Variants in PIEZO1 observed in about 807,000 individuals in gnomAD.
PIEZO1 encodes the protein piezo-type mechanosensitive ion channel component 1.
A neutral mutation model predicts 297.2 loss-of-function variants in PIEZO1; 296 were observed. The ratio of observed to expected loss-of-function variants is 1.00; its 90% CI spans 0.91 to 1.10. PIEZO1 has a LOEUF of 1.10. PIEZO1 is among the 50% of genes least tolerant of loss of function. The pLI is 0.00. For synonymous variants in PIEZO1, 2,427 were observed against 1,507.5 expected (o/e 1.61, Z -14.13); for missense variants, 5,018 against 3,455.5 (o/e 1.45, Z -11.34).
In PIEZO1 at chr16:88,733,705, C is replaced by T; in HGVS notation, c.2370G>A (p.Glu790=). Reference sequence around the variant, plus strand: ...GGACGTCCGAGAAGCCGGCTGCCAGCTCCAGCAGCCGCTCAGCCACCAGGC... The same window carrying T: ...GGACGTCCGAGAAGCCGGCTGCCAGTTCCAGCAGCCGCTCAGCCACCAGGC... ...KWGLVAERLL[E]LAAGFSDVLS... The change falls in exon 18 of 51, where the codon GAG becomes GAA. Residue 790 remains glutamate, a synonymous_variant. Coordinates refer to ENST00000301015, the MANE Select transcript of PIEZO1 (RefSeq NM_001142864.4). 6.5e-7 allele frequency: 1 copy of T among 1,548,698 alleles called. No homozygotes were observed. The highest frequency in any genetic ancestry group is 8.7e-7 in the Non-Finnish European group (1 of 1,146,010).
At position 88,715,778 on chromosome 16, in the gene PIEZO1, A is replaced by G. The variant is rs576096834; in HGVS notation, c.7393T>C (p.Ser2465Pro). 3.2e-6 allele frequency: 5 copies of G among 1,550,388 alleles called. No homozygotes were observed. The African/African-American group carries it at 4.1e-5, about 13-fold the overall frequency. The change falls in exon 51 of 51, where the codon TCC (serine) becomes CCC (proline). Residue 2465 changes from serine (S) to proline (P), a missense_variant. Coordinates refer to ENST00000301015, the MANE Select transcript of PIEZO1 (RefSeq NM_001142864.4). ...VRGFFSEISH[S>P]IMFEELPCVD... Reference sequence around the variant, plus strand: ...CACGGCAGCTCCTCGAACATAATGGAGTGCGAGATCTCGCTGAAGAATCCG... The same window carrying G: ...CACGGCAGCTCCTCGAACATAATGGGGTGCGAGATCTCGCTGAAGAATCCG...
chr16:88,728,216 C>T (rs140052687), intron 22 of PIEZO1, among the ~76,000 whole-genome samples: 3 of 152,236 alleles, frequency 2.0e-5, no homozygotes, highest in Non-Finnish European at 2.9e-5. Flanking sequence ...TGGGAGCGGC[C>T]GGGGCCTGCT....
chr16:88,775,382 A>G (rs1309746829), intron 1 of PIEZO1, among the ~76,000 whole-genome samples: 1 of 152,240 alleles, frequency 6.6e-6, no homozygotes, highest in Non-Finnish European at 1.5e-5. Flanking sequence ...GCCCCTGAGC[A>G]GAACCCCCAA....
intron 30 of PIEZO1, among the ~76,000 whole-genome samples, 194 bp downstream of exon 30, chr16:88,724,815 G>A (rs1325081339): frequency 2.0e-5 from 3 of 151,996 alleles, no homozygotes; most frequent in African/African-American, 7.3e-5. Flanking sequence ...CTGGGGCATA[G>A]CCAGGAGAGG....
chr16:88,722,363 T>G lies in PIEZO1; in HGVS notation c.4810A>C (p.Thr1604Pro), dbSNP rs182274754. 2 of 1,526,472 alleles carry G rather than the reference T, an allele frequency of 1.3e-6. No homozygotes were observed. The highest frequency in any genetic ancestry group is 1.8e-6 in the Non-Finnish European group (2 of 1,134,382). 94.6% of individuals were successfully genotyped at this position (1,526,472 alleles called of 1,614,324 possible). A position where few individuals can be genotyped will look rare whatever the true frequency, so the allele number is the denominator to read the frequency against. Residue 1604 changes from threonine to proline, a missense_variant, in exon 36 of 51, where the codon ACA becomes CCA. Coordinates refer to ENST00000301015, the MANE Select transcript of PIEZO1 (RefSeq NM_001142864.4). ...LGAEEPLSSM[T>P]DDMGSPLSTG... ...CTCAGGGGGCTGCCCATGTCGTCTG[T>G]CATGCTGCTGAGTGGCTCCTCCGCG...
chr16:88,726,250 G>T, intron 27 of PIEZO1, 34 bp downstream of exon 27: 2 of 1,514,006 alleles, frequency 1.3e-6, no homozygotes, highest in South Asian at 1.2e-5. Context: ...GCCCCAAGAC[G>T]GGAGCTCTGG....
At chr16:88,779,450 C>G (rs551666345) in intron 1 of PIEZO1, among the ~76,000 whole-genome samples, 1 of 152,156 alleles carries the variant, frequency 6.6e-6, no homozygotes, top group East Asian at 1.9e-4. Context: ...CAGCAATGAC[C>G]GTGCGGGGCC....
chr16:88,768,463 G>A (rs924221058), intron 1 of PIEZO1, among the ~76,000 whole-genome samples: 3 of 152,350 alleles, frequency 2.0e-5, no homozygotes, highest in South Asian at 4.1e-4. Flanking sequence ...AAAAAGGGGA[G>A]TGAGAAAGAC....
intron 27 of PIEZO1, chr16:88,726,060 G>A (rs890536751): frequency 4.5e-5 from 26 of 581,852 alleles, no homozygotes; most frequent in African/African-American, 9.3e-5. Flanking sequence ...ACCAGCCACC[G>A]TCAGCACTGC....
rs1182573225 is a variant in PIEZO1 at position 88,735,283 on chromosome 16, G to A, written c.1558-37C>T. The A allele has an allele frequency of 6.3e-6, 9 of 1,427,918 alleles. No individual in the cohort carries two copies. The Admixed American group carries it at 9.8e-5, about 16-fold the overall frequency. 88.5% of individuals were successfully genotyped at this position (1,427,918 alleles called of 1,614,324 possible). ...GCAGGGTGTCACAGTCAGCCGGGGG[G>A]CCCAGCACCCCTCCCACAGCCGGGG... On this transcript the variant is annotated intron_variant, in intron 12 of 50. Coordinates refer to ENST00000301015, the MANE Select transcript of PIEZO1 (RefSeq NM_001142864.4).
At chr16:88,724,014 G>T in intron 30 of PIEZO1, 43 bp from the exon 31 acceptor site, 1 of 1,233,346 alleles carries the variant, frequency 8.1e-7, no homozygotes, top group Non-Finnish European at 1.2e-6. Context: ...CATGCAGGGA[G>T]ACTCCCAGCC....
In PIEZO1 at chr16:88,738,633, A is replaced by C; in HGVS notation, c.569T>G (p.Val190Gly). Residue 190 changes from valine to glycine, a missense_variant, in exon 6 of 51, where the codon GTC becomes GGC. Val to Gly is a moderately radical substitution (Grantham distance 109, BLOSUM62 -3). Coordinates refer to ENST00000301015, the MANE Select transcript of PIEZO1 (RefSeq NM_001142864.4). ...RRSRLAARFR[V>G]TAHWLLVAAG... ...CGCCACCAGCAGCCAGTGGGCCGTGACTCGGAAACGAGCGGCCAGCCGTGA... is the reference window on the plus strand; with the variant it reads ...CGCCACCAGCAGCCAGTGGGCCGTGCCTCGGAAACGAGCGGCCAGCCGTGA... The C allele has an allele frequency of 6.5e-7, 1 of 1,535,678 alleles. No individual in the cohort carries two copies. The highest frequency in any genetic ancestry group is 8.7e-7 in the Non-Finnish European group (1 of 1,146,742).
intron 29 of PIEZO1, 49 bp from the exon 30 acceptor site, chr16:88,725,129 G>A: frequency 7.5e-7 from 1 of 1,337,482 alleles, no homozygotes; most frequent in Non-Finnish European, 1.0e-6. Context: ...CCACCAGGAG[G>A]GGTCGGGGCT....
At chr16:88,783,741 G>A (rs1221957100) in intron 1 of PIEZO1, among the ~76,000 whole-genome samples, 3 of 152,202 alleles carry the variant, frequency 2.0e-5, no homozygotes, top group East Asian at 1.9e-4. Context: ...CAGCCTCAAT[G>A]GTTTTCATTG....
chr16:88,715,673 A>G lies in PIEZO1; in HGVS notation c.7498T>C (p.Tyr2500His). ...TRELELEEEL[Y>H]AKLIFLYRSP... Reference sequence around the variant, plus strand: ...CGGTAGAGGAAGATGAGCTTGGCGTACAACTCCTCCTCCAGCTCCAGCTCC... The same window carrying G: ...CGGTAGAGGAAGATGAGCTTGGCGTGCAACTCCTCCTCCAGCTCCAGCTCC... Residue 2500 changes from tyrosine (Y) to histidine (H), a missense_variant, in exon 51 of 51, where the codon TAC becomes CAC. Transcript: ENST00000301015. 6.5e-7 allele frequency: 1 copy of G among 1,550,342 alleles called. No individual in the cohort carries two copies.
At chr16:88,737,482 G>A in intron 10 of PIEZO1, 77 bp downstream of exon 10, 1 of 1,014,456 alleles carries the variant, frequency 9.9e-7, no homozygotes, top group Non-Finnish European at 1.4e-6. Flanking sequence ...GAGAGCGCCA[G>A]GCGGCCACCA....
intron 2 of PIEZO1, chr16:88,742,734 T>G: frequency 1.8e-5 from 7 of 382,926 alleles, no homozygotes; most frequent in Non-Finnish European, 2.5e-5. Flanking sequence ...ATCCAGCAAA[T>G]ACCTGTCACC....
rs569238557 is a variant in PIEZO1, at chr16:88,775,845, A to T, written c.64+9056T>A. Reference sequence around the variant, plus strand: ...GCTGATGGCACCAACAGGTCAAAAGACAAAAGACCCCATTGTTTAAACAGC... The same window carrying T: ...GCTGATGGCACCAACAGGTCAAAAGTCAAAAGACCCCATTGTTTAAACAGC... On this transcript the variant is annotated intron_variant, in intron 1 of 50. Transcript: ENST00000301015. 2.0e-5 allele frequency among the ~76,000 whole-genome samples: 3 copies of T among 152,264 alleles called. No individual in the cohort carries two copies. The South Asian group carries it at 6.2e-4, about 32-fold the overall frequency.
chr16:88,747,970 G>A (rs141724214), intron 2 of PIEZO1, among the ~76,000 whole-genome samples: 171 of 152,298 alleles, frequency 1.1e-3, no homozygotes, highest in Non-Finnish European at 1.7e-3. Context: ...CTGGAAAAAC[G>A]CAGCCCGGTG....
Sources: gnomAD v4.1 joint callset for allele counts (sites outside exome capture counted in the v4.1 genomes callset) on GRCh38, gnomAD v4.1.1 for gene constraint, MANE v1.5 for transcripts, NCBI Gene and HGNC (gene_info 2026-07-23, HGNC 2026-07-21) for gene names.